DPP10: variants seen among roughly 807,000 people sequenced by gnomAD.
The protein encoded by DPP10 is inactive dipeptidyl peptidase 10.
DPP10 carries 33 observed loss-of-function variants against 120.9 expected under a neutral mutation model. That is an observed-to-expected ratio of 0.27 (90% CI 0.21 to 0.37). The LOEUF (loss-of-function observed/expected upper bound fraction) is 0.37. Ranked by LOEUF, DPP10 falls within the 10% of genes least tolerant of loss-of-function variation. DPP10 has a pLI of 1.00. For missense variants in DPP10, 816 were observed against 942.8 expected (o/e 0.87, Z 1.76); for synonymous variants, 337 against 326.1 (o/e 1.03, Z -0.36).
chr2:115,772,279 A>G (rs1281776186), intron 13 of DPP10, among the ~76,000 whole-genome samples: 1 of 152,110 alleles, frequency 6.6e-6, no homozygotes, highest in Non-Finnish European at 1.5e-5. Context: ...TCTGTGTTTA[A>G]TTTAGTGGCA....
intron 1 of DPP10, among the ~76,000 whole-genome samples, chr2:114,994,430 T>C (rs550789238): frequency 6.6e-6 from 1 of 152,290 alleles, no homozygotes; most frequent in South Asian, 2.1e-4. Context: ...GCTGTAGAAC[T>C]TATATTGGGT....
At chr2:114,703,195 A>G (rs1472667537) in intron 1 of DPP10, among the ~76,000 whole-genome samples, 1 of 152,178 alleles carries the variant, frequency 6.6e-6, no homozygotes, top group Non-Finnish European at 1.5e-5. Context: ...ATAGAGTTTT[A>G]CATTAACGAA....
rs759404392 is a variant in DPP10, at chr2:114,616,911, T to C, written c.60+174073T>C. ...ATACAGCATATGATGACACATCAAC[T>C]TCTCAGCATGACCTATGAAGTGTTT... On this transcript the variant is annotated intron_variant, in intron 1 of 25. Transcript: ENST00000410059. 1.8e-4 allele frequency among the ~76,000 whole-genome samples: 28 copies of C among 152,118 alleles called. 1 individual carries two copies. Among genetic ancestry groups the C allele is most frequent in the Non-Finnish European group, 4.4e-5 (3 of 68,010 alleles).
At chr2:114,725,426 G>A (rs1287870345) in intron 1 of DPP10, among the ~76,000 whole-genome samples, 1 of 152,040 alleles carries the variant, frequency 6.6e-6, no homozygotes, top group Admixed American at 6.5e-5. Flanking sequence ...TTCCTTACAT[G>A]ACCTTCTTAC....
chr2:115,600,431 G>A (rs2083253480), intron 5 of DPP10, among the ~76,000 whole-genome samples: 1 of 152,044 alleles, frequency 6.6e-6, no homozygotes, highest in African/African-American at 2.4e-5. Context: ...AACATACTTT[G>A]GAAAAGGACA....
chr2:114,461,881 AG>A (rs1678944564), intron 1 of DPP10: 1 of 985,358 alleles, frequency 1.0e-6, no homozygotes, highest in African/African-American at 1.7e-5. Context: ...AAAAAGAGAC[AG>A]GTGGAGAGAG....
At chr2:115,468,634 A>G (rs2074484239) in intron 3 of DPP10, 3 of 375,674 alleles carry the variant, frequency 8.0e-6, no homozygotes, top group Non-Finnish European at 1.6e-5. Context: ...CATCCATGGG[A>G]GGTCATGCCT....
At chr2:115,638,812 G>C (rs1377849366) in intron 5 of DPP10, among the ~76,000 whole-genome samples, 1 of 152,154 alleles carries the variant, frequency 6.6e-6, no homozygotes, top group African/African-American at 2.4e-5. Context: ...GCCTTGTTGG[G>C]TAGGGGTTTA....
intron 1 of DPP10, among the ~76,000 whole-genome samples, chr2:115,154,548 G>C (rs2051769663): frequency 6.6e-6 from 1 of 151,986 alleles, no homozygotes. Context: ...AATATTCTGG[G>C]ACAACAGAAA....
At chr2:115,384,088 A>G (rs911698339) in intron 3 of DPP10, among the ~76,000 whole-genome samples, 2 of 152,234 alleles carry the variant, frequency 1.3e-5, no homozygotes, top group African/African-American at 4.8e-5. Context: ...TTAAACTAAA[A>G]GAGATTGAAG....
chr2:115,603,744 A>G (rs2083514911), intron 5 of DPP10, among the ~76,000 whole-genome samples: 1 of 152,002 alleles, frequency 6.6e-6, no homozygotes, highest in Non-Finnish European at 1.5e-5. Context: ...TGGAATTTGG[A>G]TCAGAGAACA....
At chr2:115,422,047 T>C (rs997034748) in intron 3 of DPP10, among the ~76,000 whole-genome samples, 1 of 152,048 alleles carries the variant, frequency 6.6e-6, no homozygotes, top group Non-Finnish European at 1.5e-5. Context: ...TTGATTCCTG[T>C]AGAAGATGAA....
intron 5 of DPP10, among the ~76,000 whole-genome samples, chr2:115,557,498 G>T (rs1401746169): frequency 3.3e-5 from 5 of 152,132 alleles, no homozygotes; most frequent in Non-Finnish European, 5.9e-5. Context: ...CTAAAGCACT[G>T]CCTTGTTCAG....
intron 1 of DPP10, among the ~76,000 whole-genome samples, chr2:115,017,601 C>T (rs183208847): frequency 7.2e-5 from 11 of 152,164 alleles, no homozygotes; most frequent in South Asian, 2.1e-4. Context: ...CTGGAACCAA[C>T]GCAAACGTCC....
At chr2:114,551,098 T>A (rs1331259412) in intron 1 of DPP10, among the ~76,000 whole-genome samples, 1 of 152,124 alleles carries the variant, frequency 6.6e-6, no homozygotes, top group Non-Finnish European at 1.5e-5. Context: ...TCCACTACAC[T>A]CATTTTTTTC....
intron 1 of DPP10, among the ~76,000 whole-genome samples, chr2:114,713,685 G>A (rs1179964548): frequency 6.6e-6 from 1 of 152,124 alleles, no homozygotes; most frequent in Non-Finnish European, 1.5e-5. Context: ...AAATAATAAG[G>A]ATGGGTGCTA....
At chr2:114,563,111 C>T (rs912236191) in intron 1 of DPP10, among the ~76,000 whole-genome samples, 10 of 152,308 alleles carry the variant, frequency 6.6e-5, no homozygotes, top group Middle Eastern at 6.8e-3. Flanking sequence ...CAGTGGCTCA[C>T]GCCTGTAATC....
At chr2:115,525,063 G>T (rs1558797929) in intron 4 of DPP10, among the ~76,000 whole-genome samples, 1 of 152,080 alleles carries the variant, frequency 6.6e-6, no homozygotes, top group Non-Finnish European at 1.5e-5. Flanking sequence ...ACTATAAGGT[G>T]TGCACAATTG....
intron 5 of DPP10, among the ~76,000 whole-genome samples, chr2:115,571,073 T>C (rs2081310181): frequency 6.6e-6 from 1 of 152,102 alleles, no homozygotes. Flanking sequence ...CCAGGACGAG[T>C]TCCTATGTTG....
Sources: allele counts gnomAD v4.1 joint callset (sites outside exome capture counted in the v4.1 genomes callset), GRCh38; gene constraint gnomAD v4.1.1; transcripts MANE v1.5; gene names NCBI Gene and HGNC (gene_info 2026-07-23, HGNC 2026-07-21).